Variants in RAB6A observed in about 807,000 individuals in gnomAD.
RAB6A encodes the protein RAB6A, member RAS oncogene family, also known as ras-related protein Rab-6A.
RAB6A carries 8 observed loss-of-function variants against 32.3 expected under a neutral mutation model. That is an observed-to-expected ratio of 0.25 (90% confidence interval 0.15 to 0.45). RAB6A has a LOEUF of 0.45. Among genes scored for constraint, RAB6A ranks in the 20% least tolerant of loss-of-function variants. RAB6A has a pLI of 1.00. For missense variants in RAB6A, 104 were observed against 249.4 expected (o/e 0.42, Z 3.93); for synonymous variants, 73 against 82.1 (o/e 0.89, Z 0.60).
At chr11:73,687,119 C>A (rs1945471002) in intron 6 of RAB6A, among the ~76,000 whole-genome samples, 1 of 152,040 alleles carries the variant, frequency 6.6e-6, no homozygotes, top group Non-Finnish European at 1.5e-5. Context: ...TGAAACAAGT[C>A]ACACACAAAG....
At chr11:73,714,634 C>T (rs985450828) in intron 5 of RAB6A, among the ~76,000 whole-genome samples, 10 of 151,020 alleles carry the variant, frequency 6.6e-5, no homozygotes, top group African/African-American at 2.4e-4. Context: ...GGCACTCCAA[C>T]CCAGGTGACA....
intron 6 of RAB6A, among the ~76,000 whole-genome samples, chr11:73,694,170 T>C (rs1426312940): frequency 6.6e-6 from 1 of 152,184 alleles, no homozygotes; most frequent in East Asian, 1.9e-4. Context: ...GATTCTAATG[T>C]GCAGCTAGGG....
chr11:73,699,217 T>C (rs370009869), intron 6 of RAB6A, among the ~76,000 whole-genome samples: 96 of 151,974 alleles, frequency 6.3e-4, no homozygotes, highest in African/African-American at 2.2e-3. Flanking sequence ...ATCATTCAAT[T>C]AGTCAATAAA....
chr11:73,718,723 C>G lies in RAB6A; in HGVS notation c.184-5G>C. The G allele has an allele frequency of 6.2e-7, 1 of 1,613,966 alleles. No homozygotes were observed. Among genetic ancestry groups the G allele is most frequent in the Non-Finnish European group, 8.5e-7 (1 of 1,179,910 alleles). On this transcript the variant is annotated splice_region_variant and splice_polypyrimidine_tract_variant and intron_variant, in intron 3 of 7. Coordinates refer to ENST00000336083, the MANE Select transcript of RAB6A (RefSeq NM_198896.2). ...GTCCCATAATTGCAATCGTACCTAA[C>G]AACAAAATCAGTCAAACAAGCAAGA... is the stretch of plus-strand genomic sequence containing the variant.
intron 6 of RAB6A, among the ~76,000 whole-genome samples, chr11:73,706,298 G>A (rs970787411): frequency 5.3e-5 from 8 of 151,588 alleles, no homozygotes; most frequent in Non-Finnish European, 7.4e-5. Context: ...GGCAGATCAC[G>A]AGGTCAGGAG....
chr11:73,758,983 G>A (rs545229529), intron 1 of RAB6A, among the ~76,000 whole-genome samples: 57 of 152,250 alleles, frequency 3.7e-4, no homozygotes, highest in African/African-American at 1.2e-3. Flanking sequence ...CAAAAGGGAG[G>A]AGGGGAAGAT....
chr11:73,680,691 T>C (rs1014732670), intron 6 of RAB6A, among the ~76,000 whole-genome samples: 2 of 152,172 alleles, frequency 1.3e-5, no homozygotes, highest in African/African-American at 2.4e-5. Context: ...CTGAAGTCAG[T>C]GTATAATATA....
At chr11:73,690,791 G>A (rs915030889) in intron 6 of RAB6A, among the ~76,000 whole-genome samples, 9 of 150,970 alleles carry the variant, frequency 6.0e-5, no homozygotes, top group Non-Finnish European at 1.0e-4. Flanking sequence ...AAGGGTCCGG[G>A]TATGGGGGAC....
At chr11:73,701,693 G>T (rs1396400644) in intron 6 of RAB6A, among the ~76,000 whole-genome samples, 1 of 151,980 alleles carries the variant, frequency 6.6e-6, no homozygotes, top group Non-Finnish European at 1.5e-5. Context: ...TTGCTCTATT[G>T]CTCAGGCTGG....
intron 2 of RAB6A, among the ~76,000 whole-genome samples, chr11:73,725,708 G>A (rs1330067479): frequency 1.3e-5 from 2 of 152,210 alleles, no homozygotes; most frequent in East Asian, 3.9e-4. Flanking sequence ...CACAACATGT[G>A]GGAATTGTGG....
chr11:73,684,713 A>G (rs1389504934), intron 6 of RAB6A, among the ~76,000 whole-genome samples: 6 of 152,192 alleles, frequency 3.9e-5, no homozygotes, highest in Non-Finnish European at 7.3e-5. Context: ...TTTCTCTTTC[A>G]GTAGAGATGA....
intron 1 of RAB6A, among the ~76,000 whole-genome samples, chr11:73,735,804 T>C (rs1305574283): frequency 6.6e-6 from 1 of 151,904 alleles, no homozygotes; most frequent in African/African-American, 2.4e-5. Context: ...ATCTTGAAGT[T>C]ACAGGCCCTC....
intron 6 of RAB6A, among the ~76,000 whole-genome samples, chr11:73,687,860 G>GA (rs71272252): frequency 0.48 from 72,846 of 151,030 alleles, 18,874 homozygotes; most frequent in East Asian, 0.6. Flanking sequence ...TCCATCTCAA[G>GA]AAAAAAAAAG....
At chr11:73,741,915 T>A (rs1414963417) in intron 1 of RAB6A, among the ~76,000 whole-genome samples, 1 of 152,060 alleles carries the variant, frequency 6.6e-6, no homozygotes, top group Non-Finnish European at 1.5e-5. Context: ...TTCCTATATA[T>A]CTCCTGCCTC....
At chr11:73,708,424 C>T (rs1268641483) in intron 5 of RAB6A, among the ~76,000 whole-genome samples, 2 of 152,178 alleles carry the variant, frequency 1.3e-5, no homozygotes, top group Non-Finnish European at 2.9e-5. Context: ...CCATCTCAGC[C>T]TACCAAAGTG....
At chr11:73,697,483 G>T (rs569255344) in intron 6 of RAB6A, among the ~76,000 whole-genome samples, 4 of 152,120 alleles carry the variant, frequency 2.6e-5, no homozygotes, top group African/African-American at 9.6e-5. Context: ...AAGTAGCTGG[G>T]ATTACAGGTG....
At chr11:73,709,828 T>TATATAC (rs1565357827) in intron 5 of RAB6A, among the ~76,000 whole-genome samples, 1 of 100,136 alleles carries the variant, frequency 1.0e-5, no homozygotes, top group East Asian at 3.0e-4. Context: ...CATGCATATA[T>TATATAC]ATACATATAT....
Position 73,709,116 on chromosome 11 carries a change from A to G in RAB6A, c.402-1603T>C, listed in dbSNP as rs150335200. ...AATACTTCAGCAGTGTGAATTTCCT[A>G]AAAACAAGGACATTCTCTTATATAA... On this transcript the variant is annotated intron_variant, in intron 5 of 7. Transcript: ENST00000336083. Among the ~76,000 whole-genome samples the G allele has an allele frequency of 3.3e-3, 510 of 152,280 alleles. 4 individuals carry two copies. The highest frequency in any genetic ancestry group is 5.6e-3 in the South Asian group (27 of 4,820).
At chr11:73,735,194 CA>C (rs1312161718) in intron 1 of RAB6A, among the ~76,000 whole-genome samples, 2 of 152,180 alleles carry the variant, frequency 1.3e-5, no homozygotes, top group African/African-American at 4.8e-5. Context: ...CCAGACACAA[CA>C]ATGATCTCAG....
Sources: allele counts gnomAD v4.1 joint callset (sites outside exome capture counted in the v4.1 genomes callset), GRCh38; gene constraint gnomAD v4.1.1; transcripts MANE v1.5; gene names NCBI Gene and HGNC (gene_info 2026-07-23, HGNC 2026-07-21).